The following ITGB5 variants were observed in gnomAD, a reference collection of about 807,000 sequenced individuals.
ITGB5 encodes integrin beta-5.
In ITGB5, 38 loss-of-function variants were observed where a neutral mutation model predicts 84.8. That is an observed-to-expected ratio of 0.45 (90% confidence interval 0.35 to 0.59). ITGB5 has a LOEUF of 0.59. Among genes scored for constraint, ITGB5 ranks in the 20% least tolerant of loss-of-function variants. ITGB5 has a pLI of 0.01. For synonymous variants in ITGB5, 393 were observed against 414.4 expected, an observed-to-expected ratio of 0.95 and a Z score of 0.63; for missense variants, 905 against 1,034.5, an observed-to-expected ratio of 0.87 and a Z score of 1.72.
chr3:124,819,702 C>G (rs2064667961), intron 7 of ITGB5, 37 bp downstream of exon 7: 3 of 1,466,142 alleles, frequency 2.0e-6, no homozygotes, highest in Admixed American at 1.7e-5. Flanking sequence ...ACCCACTTCA[C>G]CCCACAAATC....
Position 124,841,506 on chromosome 3 carries a change from A to G in ITGB5, c.657T>C (p.His219=). The change falls in exon 5 of 15, where the codon CAT becomes CAC. Residue 219 remains histidine (H), a synonymous_variant. Coordinates refer to ENST00000296181, the MANE Select transcript of ITGB5 (RefSeq NM_002213.5). ...CCACTCTGTCTGTGAGAGGCAGCAG[A>G]TGGCGGAACCCAAAGGAGGGGACGC... The part of the protein sequence containing the change: ...PNCVPSFGFR[H]LLPLTDRVDS... 6.2e-7 allele frequency: 1 copy of G among 1,614,226 alleles called. No individual in the cohort carries two copies. The highest frequency in any genetic ancestry group is 8.5e-7 in the Non-Finnish European group (1 of 1,180,026).
At chr3:124,873,407 C>A in intron 2 of ITGB5, 39 bp downstream of exon 2, 1 of 1,386,268 alleles carries the variant, frequency 7.2e-7, no homozygotes, top group Non-Finnish European at 1.0e-6. Context: ...ACCCTCGCAG[C>A]ATTCCTTCCC....
chr3:124,789,128 A>G (rs1394906688), intron 10 of ITGB5, among the ~76,000 whole-genome samples: 1 of 152,276 alleles, frequency 6.6e-6, no homozygotes, highest in African/African-American at 2.4e-5. Context: ...GCCAATTGCA[A>G]TGACAGAGAT....
intron 10 of ITGB5, among the ~76,000 whole-genome samples, chr3:124,793,698 A>G (rs1000830229): frequency 1.3e-5 from 2 of 152,262 alleles, no homozygotes; most frequent in African/African-American, 4.8e-5. Flanking sequence ...GCCTCCTGCT[A>G]TGGAGCCCAA....
At chr3:124,825,034 T>C (rs1471110338) in intron 5 of ITGB5, among the ~76,000 whole-genome samples, 1 of 151,770 alleles carries the variant, frequency 6.6e-6, no homozygotes, top group African/African-American at 2.4e-5. Context: ...CCGTCTCTAC[T>C]AAAATACAAA....
intron 5 of ITGB5, among the ~76,000 whole-genome samples, chr3:124,828,071 G>A (rs962775496): frequency 1.1e-4 from 16 of 151,200 alleles, no homozygotes; most frequent in African/African-American, 2.2e-4. Context: ...TTTATTGTTC[G>A]CGCAAAGCCT....
At chr3:124,779,015 T>G (rs2063964295) in intron 10 of ITGB5, among the ~76,000 whole-genome samples, 2 of 152,148 alleles carry the variant, frequency 1.3e-5, no homozygotes, top group Admixed American at 1.3e-4. Context: ...CCTCCTGTGT[T>G]GATGAGGATA....
chr3:124,806,601 T>C (rs2064408583), intron 9 of ITGB5, among the ~76,000 whole-genome samples: 1 of 150,840 alleles, frequency 6.6e-6, no homozygotes, highest in African/African-American at 2.4e-5. Context: ...TCCCAGCTAA[T>C]TTTTTTTTGT....
At chr3:124,768,636 A>T (rs1271226624) in intron 12 of ITGB5, among the ~76,000 whole-genome samples, 1 of 152,022 alleles carries the variant, frequency 6.6e-6, no homozygotes, top group East Asian at 1.9e-4. Context: ...TTTCTTTTCT[A>T]TTTATCCGTT....
At chr3:124,771,228 G>GAA (rs1204926152) in intron 11 of ITGB5, among the ~76,000 whole-genome samples, 1 of 152,188 alleles carries the variant, frequency 6.6e-6, no homozygotes, top group African/African-American at 2.4e-5. Flanking sequence ...CACCCAAAGT[G>GAA]AAAAGTGTGG....
intron 1 of ITGB5, among the ~76,000 whole-genome samples, chr3:124,876,220 C>A (rs1934305110): frequency 6.6e-6 from 1 of 151,962 alleles, no homozygotes; most frequent in South Asian, 2.1e-4. Flanking sequence ...GTAGTAATCA[C>A]TACAAATATA....
At chr3:124,839,259 C>T (rs934595057) in intron 5 of ITGB5, among the ~76,000 whole-genome samples, 2 of 152,198 alleles carry the variant, frequency 1.3e-5, no homozygotes, top group Non-Finnish European at 2.9e-5. Context: ...GCCTCTCCGT[C>T]AACAATAATT....
At chr3:124,775,900 G>T (rs1246135934) in intron 10 of ITGB5, among the ~76,000 whole-genome samples, 1 of 152,184 alleles carries the variant, frequency 6.6e-6, no homozygotes, top group Non-Finnish European at 1.5e-5. Context: ...AGGCGGCAGG[G>T]GGACCATCTG....
At chr3:124,806,672 C>T (rs925056098) in intron 9 of ITGB5, among the ~76,000 whole-genome samples, 11 of 151,910 alleles carry the variant, frequency 7.2e-5, no homozygotes, top group African/African-American at 2.7e-4. Flanking sequence ...CTCCTAACTT[C>T]ATGATCCACC....
intron 3 of ITGB5, among the ~76,000 whole-genome samples, chr3:124,852,568 T>C (rs962632614): frequency 3.3e-5 from 5 of 152,188 alleles, no homozygotes; most frequent in Non-Finnish European, 7.3e-5. Context: ...ATCTGAAATG[T>C]ATTTTTAAAG....
At chr3:124,884,026 C>G (rs1438820179) in intron 1 of ITGB5, among the ~76,000 whole-genome samples, 2 of 152,210 alleles carry the variant, frequency 1.3e-5, no homozygotes, top group Admixed American at 1.3e-4. Flanking sequence ...GTTAGAGCAA[C>G]AGAGAGAGGC....
intron 9 of ITGB5, among the ~76,000 whole-genome samples, chr3:124,801,235 C>T (rs1329617027): frequency 2.0e-5 from 3 of 152,180 alleles, no homozygotes; most frequent in African/African-American, 7.2e-5. Context: ...CACTTGCATA[C>T]TGATTTGTTG....
chr3:124,879,385 G>A (rs190011483), intron 1 of ITGB5, among the ~76,000 whole-genome samples: 4 of 152,330 alleles, frequency 2.6e-5, no homozygotes, highest in Non-Finnish European at 4.4e-5. Context: ...CCTTGAAGAT[G>A]GCAATGCCCT....
intron 5 of ITGB5, among the ~76,000 whole-genome samples, chr3:124,827,081 G>A (rs2064793604): frequency 6.6e-6 from 1 of 152,142 alleles, no homozygotes. Flanking sequence ...GGAAGCAAAA[G>A]TGGGAAAGTG....
Sources: allele counts gnomAD v4.1 joint callset (sites outside exome capture counted in the v4.1 genomes callset), GRCh38; gene constraint gnomAD v4.1.1; transcripts MANE v1.5; gene names NCBI Gene and HGNC (gene_info 2026-07-23, HGNC 2026-07-21).